SLC25A36: variants seen among roughly 807,000 people sequenced by gnomAD.
SLC25A36 encodes epididymis secretory sperm binding protein.
A neutral mutation model predicts 35.3 loss-of-function variants in SLC25A36; 24 were observed. The observed-to-expected ratio is 0.68, with a 90% CI of 0.49 to 0.96. The LOEUF (loss-of-function observed/expected upper bound fraction) is 0.96. SLC25A36 is among the 40% of genes least tolerant of loss of function. SLC25A36 has a pLI of 0.00. For missense variants in SLC25A36, 294 were observed against 381.1 expected, an observed-to-expected ratio of 0.77 and a Z score of 1.90; for synonymous variants, 141 against 132.2, an observed-to-expected ratio of 1.07 and a Z score of -0.46.
intron 1 of SLC25A36, among the ~76,000 whole-genome samples, chr3:140,944,064 A>G (rs1449659785): frequency 6.6e-6 from 1 of 152,082 alleles, no homozygotes; most frequent in Non-Finnish European, 1.5e-5. Flanking sequence ...TTTGCATCTC[A>G]TCTTGATTTT....
chr3:140,959,515 A>C lies in SLC25A36; in HGVS notation c.259A>C (p.Asn87His). 1 of 1,500,236 alleles carries C rather than the reference A, an allele frequency of 6.7e-7. No individual in the cohort carries two copies. Among genetic ancestry groups the C allele is most frequent in the Non-Finnish European group, 8.8e-7 (1 of 1,135,176 alleles). The allele number at this position is 1,500,236 out of a possible 1,614,324, so 92.9% of individuals were successfully genotyped here. The change falls in exon 3 of 7, where the codon AAT becomes CAT. Residue 87 changes from asparagine to histidine, a missense_variant. By Grantham distance (68) the Asn-to-His change is moderately conservative (BLOSUM62 1). Around this residue, in one of 2 missense-constraint regions of SLC25A36, gnomAD observed 185 missense variants for 201.5 expected, o/e 0.92. Coordinates refer to ENST00000324194, the MANE Select transcript of SLC25A36 (RefSeq NM_001104647.3). The part of the protein sequence containing the change: ...PRSLFRGLGP[N>H]LVGVAPSRAI... ...TTCCTTGTTTAGAGGACTAGGCCCC[A>C]ATTTAGTGGGGGTAGCCCCTTCCAG...
At chr3:140,964,950 A>G (rs186297680) in intron 4 of SLC25A36, 1 of 151,974 alleles carries the variant, frequency 6.6e-6, no homozygotes. Flanking sequence ...AAATGTTAAC[A>G]TATAGTTCAT....
At chr3:140,971,741 C>CT (rs1463052221) in intron 5 of SLC25A36, among the ~76,000 whole-genome samples, 1 of 152,084 alleles carries the variant, frequency 6.6e-6, no homozygotes, top group African/African-American at 2.4e-5. Context: ...AATAGAGACT[C>CT]TTAAGTAACG....
chr3:140,975,476 C>G (rs986263882), intron 6 of SLC25A36, among the ~76,000 whole-genome samples: 3 of 152,044 alleles, frequency 2.0e-5, no homozygotes, highest in Non-Finnish European at 2.9e-5. Context: ...TAAATAGTTA[C>G]AATTGCTGTG....
Position 140,978,446 on chromosome 3 carries a change from G to A in SLC25A36, c.*1993G>A, listed in dbSNP as rs1935107037. The A allele has an allele frequency of 6.6e-6, 1 of 152,144 alleles. No individual in the cohort carries two copies. The highest frequency in any genetic ancestry group is 2.1e-4 in the South Asian group (1 of 4,824). The allele number at this position is 152,144 out of a possible 1,614,324, so 9.4% of individuals were successfully genotyped here. ...GTGAAGACCCATAAACATTCATTGT[G>A]TTGAATGTAAGATAGAGACTCTCCC... On this transcript the variant is annotated 3_prime_UTR_variant, in exon 7 of 7. Coordinates refer to ENST00000324194, the MANE Select transcript of SLC25A36 (RefSeq NM_001104647.3).
intron 3 of SLC25A36, 81 bp from the exon 4 acceptor site, chr3:140,963,046 C>A: frequency 2.3e-6 from 2 of 858,178 alleles, no homozygotes; most frequent in Non-Finnish European, 3.4e-6. Flanking sequence ...TTTCTCCATT[C>A]TAAAATTATG....
intron 1 of SLC25A36, among the ~76,000 whole-genome samples, chr3:140,955,391 A>G (rs528795175): frequency 1.3e-5 from 2 of 152,282 alleles, no homozygotes; most frequent in South Asian, 2.1e-4. Flanking sequence ...CACCGCACTA[A>G]GAGCTTTTCT....
At chr3:140,966,783 C>T in intron 4 of SLC25A36, 1 of 379,120 alleles carries the variant, frequency 2.6e-6, no homozygotes, top group South Asian at 1.9e-5. Flanking sequence ...TTTTGATATT[C>T]CTTTCTTTTT....
At position 140,963,154 on chromosome 3, in the gene SLC25A36, C is replaced by T. The variant is rs1173488706; in HGVS notation, c.312C>T (p.Asn104=). Residue 104 remains asparagine, a synonymous_variant, in exon 4 of 7, where the codon AAC becomes AAT. Coordinates refer to ENST00000324194, the MANE Select transcript of SLC25A36 (RefSeq NM_001104647.3). ...SRAIYFAAYS[N]CKEKLNDVFD... is the part of the protein sequence containing the mutation. The stretch of plus-strand genomic sequence containing the variant: ...CAATATACTTTGCTGCTTATTCAAA[C>T]TGCAAGGAAAAGTTGAATGATGTAT... The T allele has an allele frequency of 2.5e-6, 4 of 1,588,494 alleles. No homozygotes were observed. In the South Asian group the frequency reaches 3.5e-5, roughly 14 times the overall value.
chr3:140,953,459 G>A (rs1286403153), intron 1 of SLC25A36, among the ~76,000 whole-genome samples: 1 of 151,582 alleles, frequency 6.6e-6, no homozygotes, highest in Non-Finnish European at 1.5e-5. Context: ...TTTTTGAAGT[G>A]TTAAGCTTAT....
At chr3:140,961,068 T>C (rs887252282) in intron 3 of SLC25A36, among the ~76,000 whole-genome samples, 9 of 152,242 alleles carry the variant, frequency 5.9e-5, no homozygotes, top group Non-Finnish European at 1.3e-4. Flanking sequence ...AAATGCTTTC[T>C]GTATCCAAAC....
At chr3:140,958,878 T>A (rs188616892) in intron 2 of SLC25A36, among the ~76,000 whole-genome samples, 135 of 152,058 alleles carry the variant, frequency 8.9e-4, no homozygotes, top group African/African-American at 3.0e-3. Context: ...CAGGAAAGAA[T>A]CTGAACAGAT....
chr3:140,944,383 T>C (rs1017258303), intron 1 of SLC25A36, among the ~76,000 whole-genome samples: 1 of 152,158 alleles, frequency 6.6e-6, no homozygotes, highest in Non-Finnish European at 1.5e-5. Flanking sequence ...CACCCTTTGA[T>C]CCCATTATGC....
rs1559807807 is a variant in SLC25A36, at chr3:140,942,009, A to T, written c.-46A>T. 4 of 1,108,476 alleles carry T rather than the reference A, an allele frequency of 3.6e-6. No individual in the cohort carries two copies. The highest frequency in any genetic ancestry group is 2.9e-4 in the Middle Eastern group (1 of 3,476). The allele number at this position is 1,108,476 out of a possible 1,614,324, so 68.7% of individuals were successfully genotyped here. A position where few individuals can be genotyped will look rare whatever the true frequency, so the allele number is the denominator to read the frequency against. On this transcript the variant is annotated 5_prime_UTR_variant, in exon 1 of 7. Transcript: ENST00000324194. Reference sequence around the variant, plus strand: ...AAGCCGCCTGCCGTAGCGGGCGGCCAGATCCGCGTCCCGCCTCAGCGGCCG... The same window carrying T: ...AAGCCGCCTGCCGTAGCGGGCGGCCTGATCCGCGTCCCGCCTCAGCGGCCG...
chr3:140,941,864 G>T lies in SLC25A36; in HGVS notation c.-191G>T, dbSNP rs907821214. 2.0e-6 allele frequency: 1 copy of T among 503,570 alleles called. No homozygotes were observed. The allele number at this position is 503,570 out of a possible 1,614,324, so 31.2% of individuals were successfully genotyped here. On this transcript the variant is annotated 5_prime_UTR_variant, in exon 1 of 7. Transcript: ENST00000324194. ...CTCTGGTGAAGGGCGGCGCGCTTAGGCAGGCGGTGGCGCGGCTGGAGTGCC... is the reference window on the plus strand; with the variant it reads ...CTCTGGTGAAGGGCGGCGCGCTTAGTCAGGCGGTGGCGCGGCTGGAGTGCC...
intron 1 of SLC25A36, among the ~76,000 whole-genome samples, chr3:140,952,461 GT>G (rs1934353829): frequency 6.6e-6 from 1 of 152,158 alleles, no homozygotes; most frequent in Non-Finnish European, 1.5e-5. Context: ...AGATTCTCAT[GT>G]GTTTTACTTG....
chr3:140,969,843 A>G (rs962633985), intron 4 of SLC25A36, among the ~76,000 whole-genome samples: 2 of 151,926 alleles, frequency 1.3e-5, no homozygotes, highest in South Asian at 4.1e-4. Flanking sequence ...ATCATTAGCC[A>G]CCTTTATAAA....
chr3:140,972,208 T>C (rs887886486), intron 5 of SLC25A36, among the ~76,000 whole-genome samples: 1 of 152,216 alleles, frequency 6.6e-6, no homozygotes, highest in African/African-American at 2.4e-5. Flanking sequence ...TTAGCGTTGC[T>C]CTATGAGGAA....
At chr3:140,955,887 T>C (rs948348949) in intron 1 of SLC25A36, among the ~76,000 whole-genome samples, 1 of 152,092 alleles carries the variant, frequency 6.6e-6, no homozygotes, top group Non-Finnish European at 1.5e-5. Context: ...TGTAAAGTGG[T>C]GTCTGGCTAT....
Sources: gnomAD v4.1 joint callset for allele counts (sites outside exome capture counted in the v4.1 genomes callset) on GRCh38, gnomAD v4.1.1 for gene constraint, gnomAD v4.1.1 regional missense constraint, MANE v1.5 for transcripts, NCBI Gene and HGNC (gene_info 2026-07-23, HGNC 2026-07-21) for gene names.